Variants in FAT4 observed in about 807,000 individuals in gnomAD.
FAT4 encodes FAT atypical cadherin 4, also known as protocadherin Fat 4.
In FAT4, 84 loss-of-function variants were observed where a neutral mutation model predicts 303.9. The observed-to-expected ratio is 0.28, with a 90% CI of 0.23 to 0.33. The LOEUF (loss-of-function observed/expected upper bound fraction) is 0.33, where lower values mean the gene tolerates loss of function less well. Ranked by LOEUF, FAT4 falls within the 10% of genes least tolerant of loss-of-function variation. The probability of loss-of-function intolerance (pLI) is 1.00; values close to 1 mark genes in which losing one functional copy is unlikely to be tolerated. For missense variants in FAT4, 6,005 were observed against 6,146.8 expected, an observed-to-expected ratio of 0.98 and a Z score of 0.77; for synonymous variants, 2,307 against 2,298.8, an observed-to-expected ratio of 1.00 and a Z score of -0.10.
At chr4:125,371,433 G>T (rs1044607925) in intron 2 of FAT4, among the ~76,000 whole-genome samples, 2 of 151,824 alleles carry the variant, frequency 1.3e-5, no homozygotes, top group Non-Finnish European at 2.9e-5. Context: ...CAGGAGAGTG[G>T]CTGTGAAGGG....
intron 2 of FAT4, among the ~76,000 whole-genome samples, chr4:125,372,459 A>G (rs866631112): frequency 2.0e-5 from 3 of 152,144 alleles, no homozygotes; most frequent in Non-Finnish European, 2.9e-5. Flanking sequence ...GCAAGTATAA[A>G]TCACTTTAAA....
chr4:125,482,149 G>T (rs1254738771), intron 16 of FAT4, among the ~76,000 whole-genome samples: 1 of 152,104 alleles, frequency 6.6e-6, no homozygotes, highest in Non-Finnish European at 1.5e-5. Context: ...TATGTCAATT[G>T]ACAGGATTAG....
intron 10 of FAT4, among the ~76,000 whole-genome samples, chr4:125,454,858 T>G (rs1028645254): frequency 3.9e-5 from 6 of 152,104 alleles, no homozygotes; most frequent in African/African-American, 1.4e-4. Flanking sequence ...AAAACCCACG[T>G]GGTACACTGT....
intron 3 of FAT4, among the ~76,000 whole-genome samples, chr4:125,406,488 T>C (rs951593979): frequency 3.9e-5 from 6 of 152,234 alleles, no homozygotes; most frequent in Non-Finnish European, 7.3e-5. Context: ...GGCTCCTTTG[T>C]GGTTTCGTAT....
rs369625076 is a variant in FAT4, at chr4:125,452,368, A to G, written c.11358A>G (p.Glu3786=). 18 of 1,614,084 alleles carry G rather than the reference A, an allele frequency of 1.1e-5. No homozygotes were observed. The African/African-American group carries it at 2.1e-4, about 19-fold the overall frequency. Reference sequence around the variant, plus strand: ...CCAGTGGCGTAGCCACCTTCTTTGAAAGCATCAAAGAGATCCTTCTCCGGC... The same window carrying G: ...CCAGTGGCGTAGCCACCTTCTTTGAGAGCATCAAAGAGATCCTTCTCCGGC... ...VNPSGVATFF[E]SIKEILLRQS... is the part of the protein sequence containing the mutation. The change falls in exon 10 of 18, where the codon GAA becomes GAG. Residue 3786 remains glutamate, a synonymous_variant. Coordinates refer to ENST00000394329, the MANE Select transcript of FAT4 (RefSeq NM_001291303.3).
At chr4:125,430,556 ATG>A (rs1445492672) in intron 7 of FAT4, among the ~76,000 whole-genome samples, 1 of 152,182 alleles carries the variant, frequency 6.6e-6, no homozygotes, top group Non-Finnish European at 1.5e-5. Flanking sequence ...AAGGTTTCCT[ATG>A]AAAAAAAATT....
At chr4:125,327,178 A>G (rs1283775481) in intron 2 of FAT4, among the ~76,000 whole-genome samples, 2 of 152,184 alleles carry the variant, frequency 1.3e-5, no homozygotes, top group Admixed American at 1.3e-4. Flanking sequence ...AAGACTTCCA[A>G]GGGTTTCTAG....
Position 125,477,313 on chromosome 4 carries a change from C to T in FAT4, c.12458C>T (p.Ala4153Val). 8 of 1,580,842 alleles carry T rather than the reference C, an allele frequency of 5.1e-6. No homozygotes were observed. Among genetic ancestry groups the T allele is most frequent in the Non-Finnish European group, 6.9e-6 (8 of 1,163,106 alleles). Residue 4153 changes from alanine to valine, a missense_variant, in exon 14 of 18, where the codon GCA becomes GTA. Physicochemically the swap from Ala to Val is moderately conservative, Grantham distance 64. Transcript: ENST00000394329. ...CCTCTGGAACCCAGCCAAGCTTTGGCAGCACAAGGCATCCTAGATCAGTAT... is the reference window on the plus strand; with the variant it reads ...CCTCTGGAACCCAGCCAAGCTTTGGTAGCACAAGGCATCCTAGATCAGTAT... ...GRPLEPSQALAAQGILDQCPR... is the reference protein window; with the variant it reads ...GRPLEPSQALVAQGILDQCPR...
chr4:125,487,017 A>G (rs2126092366), intron 16 of FAT4, among the ~76,000 whole-genome samples: 1 of 152,340 alleles, frequency 6.6e-6, no homozygotes, highest in South Asian at 2.1e-4. Context: ...TCATTGGAAT[A>G]CAAATAATTT....
chr4:125,491,280 A>C lies in FAT4; in HGVS notation c.14464A>C (p.Arg4822=). The C allele has an allele frequency of 6.2e-7, 1 of 1,614,174 alleles. No homozygotes were observed. The highest frequency in any genetic ancestry group is 8.5e-7 in the Non-Finnish European group (1 of 1,180,032). The stretch of plus-strand genomic sequence containing the variant: ...GAGGTCTTCTTCAGAGGAGGACTGC[A>C]GAAGGCCACTGTCTAGAACAAGGAA... ...HGRSSSEEDC[R]RPLSRTRNPA... Residue 4822 remains arginine (R), a synonymous_variant, in exon 18 of 18, where the codon AGA becomes CGA. Transcript: ENST00000394329.
chr4:125,447,567 G>A (rs1725868582), intron 9 of FAT4, among the ~76,000 whole-genome samples: 1 of 152,064 alleles, frequency 6.6e-6, no homozygotes, highest in South Asian at 2.1e-4. Context: ...GTAAAATGAG[G>A]TATGCTTAAG....
At chr4:125,421,173 T>G (rs1420098376) in intron 7 of FAT4, among the ~76,000 whole-genome samples, 2 of 152,198 alleles carry the variant, frequency 1.3e-5, no homozygotes, top group African/African-American at 4.8e-5. Context: ...TCCATCTGCC[T>G]TGGCCTCCCA....
Position 125,408,509 on chromosome 4 carries a change from A to G in FAT4, c.5635A>G (p.Ile1879Val), listed in dbSNP as rs753688982. The G allele has an allele frequency of 6.2e-7, 1 of 1,613,282 alleles. No individual in the cohort carries two copies. Among genetic ancestry groups the G allele is most frequent in the Non-Finnish European group, 8.5e-7 (1 of 1,179,686 alleles). ...TGGTGTGAATGGAGAAATTACATAT[A>G]TTGTGAATGAAGATGATGAAGATGG... ...DSGVNGEITY[I>V]VNEDDEDGIF... Residue 1879 changes from isoleucine (I) to valine (V), a missense_variant, in exon 5 of 18, where the codon ATT (isoleucine) becomes GTT (valine). Physicochemically the swap from Ile to Val is conservative, Grantham distance 29 (BLOSUM62 3). Coordinates refer to ENST00000394329, the MANE Select transcript of FAT4 (RefSeq NM_001291303.3).
rs768880249 is a variant in FAT4, at chr4:125,491,026, G to T, written c.14210G>T (p.Gly4737Val). 1 of 1,614,194 alleles carries T rather than the reference G, an allele frequency of 6.2e-7. No homozygotes were observed. Among genetic ancestry groups the T allele is most frequent in the South Asian group, 1.1e-5 (1 of 91,088 alleles). ...GATGGTAATACTTTGGAAATGCATG[G>T]TGACACCTGCCAACCTGGCATTTTC... Reference protein sequence around the residue: ...IRDGNTLEMHGDTCQPGIFNY... With the variant: ...IRDGNTLEMHVDTCQPGIFNY... Residue 4737 changes from glycine (G) to valine (V), a missense_variant, in exon 18 of 18, where the codon GGT becomes GTT. Physicochemically the swap from Gly to Val is moderately radical, Grantham distance 109. Transcript: ENST00000394329.
At chr4:125,381,926 C>T (rs1241544130) in intron 2 of FAT4, among the ~76,000 whole-genome samples, 1 of 152,188 alleles carries the variant, frequency 6.6e-6, no homozygotes, top group Non-Finnish European at 1.5e-5. Flanking sequence ...TAGGTTCCAT[C>T]TCAAGAAACC....
chr4:125,487,316 T>C (rs771000862), intron 16 of FAT4, 29 bp from the exon 17 acceptor site: 1 of 1,577,342 alleles, frequency 6.3e-7, no homozygotes, highest in Admixed American at 1.8e-5. Context: ...CATATTTTAA[T>C]TGCATACTAT....
chr4:125,402,296 C>G (rs940974715), intron 3 of FAT4, among the ~76,000 whole-genome samples: 1 of 151,778 alleles, frequency 6.6e-6, no homozygotes, highest in East Asian at 1.9e-4. Flanking sequence ...TTTCCAAGTA[C>G]TTACTATTTT....
At chr4:125,376,365 A>G (rs2125995228) in intron 2 of FAT4, among the ~76,000 whole-genome samples, 1 of 152,262 alleles carries the variant, frequency 6.6e-6, no homozygotes, top group South Asian at 2.1e-4. Context: ...ATGCTATTTG[A>G]AAAAACTATT....
chr4:125,386,665 C>T (rs1733762306), intron 2 of FAT4, among the ~76,000 whole-genome samples: 1 of 152,080 alleles, frequency 6.6e-6, no homozygotes, highest in Admixed American at 6.6e-5. Context: ...AGAACATATA[C>T]TTTACAATTT....
Sources: gnomAD v4.1 joint callset for allele counts (sites outside exome capture counted in the v4.1 genomes callset) on GRCh38, gnomAD v4.1.1 for gene constraint, MANE v1.5 for transcripts, NCBI Gene and HGNC (gene_info 2026-07-23, HGNC 2026-07-21) for gene names.